CSMD1: variants seen among roughly 807,000 people sequenced by gnomAD.
CSMD1 encodes CUB and sushi domain-containing protein 1.
A neutral mutation model predicts 417.5 loss-of-function variants in CSMD1; 213 were observed. The ratio of observed to expected loss-of-function variants is 0.51; its 90% CI spans 0.46 to 0.57. The LOEUF is 0.57. Ranked by LOEUF, CSMD1 falls within the 20% of genes least tolerant of loss-of-function variation. The pLI is 0.00. For synonymous variants in CSMD1, 2,862 were observed against 1,736.8 expected (o/e 1.65, Z -16.11); for missense variants, 6,923 against 4,529.7 (o/e 1.53, Z -15.17).
At chr8:4,736,348 G>C (rs1810233165) in intron 1 of CSMD1, among the ~76,000 whole-genome samples, 1 of 152,144 alleles carries the variant, frequency 6.6e-6, no homozygotes, top group Admixed American at 6.5e-5. Context: ...AGATAATAAG[G>C]AGATCACAAT....
intron 3 of CSMD1, among the ~76,000 whole-genome samples, chr8:4,338,526 C>CT (rs1234358351): frequency 1.3e-5 from 2 of 152,180 alleles, no homozygotes; most frequent in Non-Finnish European, 2.9e-5. Context: ...AGTTCTTCGG[C>CT]TTTTTCTAGT....
chr8:3,726,699 G>C (rs1312803130), intron 6 of CSMD1, among the ~76,000 whole-genome samples: 1 of 152,162 alleles, frequency 6.6e-6, no homozygotes, highest in African/African-American at 2.4e-5. Flanking sequence ...GGTACGAGGT[G>C]TATATTTACC....
At chr8:3,316,491 G>C (rs908967872) in intron 23 of CSMD1, among the ~76,000 whole-genome samples, 1 of 151,756 alleles carries the variant, frequency 6.6e-6, no homozygotes, top group Non-Finnish European at 1.5e-5. Context: ...AGGGACAAAG[G>C]AAACTAGTAT....
At chr8:3,907,904 T>C (rs1808217445) in intron 5 of CSMD1, among the ~76,000 whole-genome samples, 1 of 152,206 alleles carries the variant, frequency 6.6e-6, no homozygotes, top group African/African-American at 2.4e-5. Flanking sequence ...CAGGGATTCT[T>C]GTCCTCTGGA....
At chr8:3,144,732 G>C (rs1048818424) in intron 40 of CSMD1, among the ~76,000 whole-genome samples, 21 of 148,416 alleles carry the variant, frequency 1.4e-4, no homozygotes, top group Non-Finnish European at 2.5e-4. Flanking sequence ...AAATATTTTT[G>C]TTTAAAAGGA....
At chr8:4,080,315 C>T (rs150741295) in intron 3 of CSMD1, among the ~76,000 whole-genome samples, 3 of 152,240 alleles carry the variant, frequency 2.0e-5, no homozygotes, top group East Asian at 1.9e-4. Flanking sequence ...GAGTAAGGCA[C>T]GATCTTACCC....
chr8:3,965,403 G>C (rs1020429272), intron 5 of CSMD1, among the ~76,000 whole-genome samples: 1 of 152,148 alleles, frequency 6.6e-6, no homozygotes, highest in African/African-American at 2.4e-5. Flanking sequence ...TTGCCTTAGA[G>C]ACATGGTTTT....
At chr8:3,605,921 G>C (rs1007630183) in intron 8 of CSMD1, among the ~76,000 whole-genome samples, 3 of 152,186 alleles carry the variant, frequency 2.0e-5, no homozygotes, top group African/African-American at 7.2e-5. Context: ...TATATCCCTA[G>C]AGACTGGCTT....
intron 1 of CSMD1, among the ~76,000 whole-genome samples, chr8:4,762,310 T>G (rs1166874168): frequency 6.6e-6 from 1 of 152,166 alleles, no homozygotes; most frequent in East Asian, 1.9e-4. Context: ...AATAGCTGTT[T>G]ACTGGTATAA....
At chr8:3,915,385 G>A (rs998036637) in intron 5 of CSMD1, among the ~76,000 whole-genome samples, 49 of 134,576 alleles carry the variant, frequency 3.6e-4, no homozygotes, top group African/African-American at 1.3e-3. Context: ...CAGCCTAGGC[G>A]TCACAGTAAG....
rs1801516113 is a variant in CSMD1, at chr8:2,936,769, G to C, written c.*1816C>G. 6.6e-6 allele frequency: 1 copy of C among 152,200 alleles called. No homozygotes were observed. Among genetic ancestry groups the C allele is most frequent in the South Asian group, 2.1e-4 (1 of 4,830 alleles). The allele number at this position is 152,200 out of a possible 1,614,324, so 9.4% of individuals were successfully genotyped here. A position where few individuals can be genotyped will look rare whatever the true frequency, so the allele number is the denominator to read the frequency against. The stretch of plus-strand genomic sequence containing the variant: ...CGGAAATGTCCGAATCAAAACGCGT[G>C]ACTCTCCAAAGAATGCCCCATTTTC... On this transcript the variant is annotated 3_prime_UTR_variant, in exon 70 of 70. Coordinates refer to ENST00000635120, the MANE Select transcript of CSMD1 (RefSeq NM_033225.6).
intron 12 of CSMD1, among the ~76,000 whole-genome samples, chr8:3,420,659 A>G (rs2116973213): frequency 6.6e-6 from 1 of 152,280 alleles, no homozygotes; most frequent in Admixed American, 6.5e-5. Flanking sequence ...AATGTGTACT[A>G]CTGTTCTGGT....
intron 3 of CSMD1, among the ~76,000 whole-genome samples, chr8:4,251,208 T>C (rs913529635): frequency 3.9e-5 from 6 of 152,150 alleles, no homozygotes; most frequent in Admixed American, 2.6e-4. Flanking sequence ...TTACAATAAA[T>C]AAAACCTATA....
chr8:4,714,829 G>C lies in CSMD1; in HGVS notation c.86-77271C>G, dbSNP rs181616573. On this transcript the variant is annotated intron_variant, in intron 1 of 69. Transcript: ENST00000635120. ...CTCAACATTATAAACAGTAACATTA[G>C]ATTTTTCTTTTGCTCCAAATTCTTA... 4.4e-3 allele frequency among the ~76,000 whole-genome samples: 665 copies of C among 152,234 alleles called. 4 individuals are homozygous for C. Among genetic ancestry groups the C allele is most frequent in the African/African-American group, 0.016 (646 of 41,538 alleles).
intron 30 of CSMD1, among the ~76,000 whole-genome samples, chr8:3,212,782 AG>A (rs956478379): frequency 6.6e-6 from 1 of 151,622 alleles, no homozygotes; most frequent in Non-Finnish European, 1.5e-5. Flanking sequence ...CCAGGGAAGT[AG>A]GTTTTGTTTT....
intron 3 of CSMD1, among the ~76,000 whole-genome samples, chr8:4,107,858 G>C (rs1345284341): frequency 6.6e-6 from 1 of 152,176 alleles, no homozygotes; most frequent in African/African-American, 2.4e-5. Context: ...CTCTCTGATG[G>C]AAATAGAAGG....
At chr8:4,218,618 T>C (rs535921953) in intron 3 of CSMD1, among the ~76,000 whole-genome samples, 2 of 152,340 alleles carry the variant, frequency 1.3e-5, no homozygotes, top group East Asian at 3.9e-4. Context: ...AATAAAATCA[T>C]ATACTGTTTC....
intron 64 of CSMD1, 42 bp downstream of exon 64, chr8:2,955,547 T>G: frequency 6.2e-7 from 1 of 1,601,412 alleles, no homozygotes; most frequent in South Asian, 1.1e-5. Context: ...TCCTTTCCCT[T>G]GCTCTTTGGA....
At chr8:3,986,137 G>A (rs1814303800) in intron 5 of CSMD1, among the ~76,000 whole-genome samples, 2 of 152,062 alleles carry the variant, frequency 1.3e-5, no homozygotes, top group African/African-American at 2.4e-5. Flanking sequence ...TTTCTCAAGT[G>A]ACTTGAAGGC....
Sources: gnomAD v4.1 joint callset for allele counts (sites outside exome capture counted in the v4.1 genomes callset) on GRCh38, gnomAD v4.1.1 for gene constraint, MANE v1.5 for transcripts, NCBI Gene and HGNC (gene_info 2026-07-23, HGNC 2026-07-21) for gene names.